OR2A5: variants seen among roughly 807,000 people sequenced by gnomAD.
OR2A5 encodes olfactory receptor family 2 subfamily A member 5.
In OR2A5, 2 loss-of-function variants were observed where a neutral mutation model predicts 1.9. That is an observed-to-expected ratio of 1.04 (90% CI 0.43 to 3.28). The LOEUF is 3.28. OR2A5 is among the 30% of genes most tolerant of loss of function. OR2A5 has a pLI of 0.08. For synonymous variants in OR2A5, 160 were observed against 154.5 expected, an observed-to-expected ratio of 1.04 and a Z score of -0.26; for missense variants, 391 against 375.9, an observed-to-expected ratio of 1.04 and a Z score of -0.33.
At position 144,055,291 on chromosome 7, in the gene OR2A5, G is replaced by T. The variant is rs1291452814; in HGVS notation, c.*3954G>T. 6.6e-6 allele frequency: 1 copy of T among 152,070 alleles called. No homozygotes were observed. The highest frequency in any genetic ancestry group is 1.5e-5 in the Non-Finnish European group (1 of 68,032). 9.4% of individuals were successfully genotyped at this position (152,070 alleles called of 1,614,324 possible). A position where few individuals can be genotyped will look rare whatever the true frequency, so the allele number is the denominator to read the frequency against. ...TGAACATTATAAGTTATGCAACAATGAGGTCTTGTGAATTATTGTGCAGCC... is the reference window on the plus strand; with the variant it reads ...TGAACATTATAAGTTATGCAACAATTAGGTCTTGTGAATTATTGTGCAGCC... On this transcript the variant is annotated 3_prime_UTR_variant, in exon 2 of 2. Coordinates refer to ENST00000641693, the MANE Select transcript of OR2A5 (RefSeq NM_012365.2).
In OR2A5 at chr7:144,051,477, G is replaced by A. The variant is rs758451576; in HGVS notation, c.*140G>A. 9.8e-6 allele frequency: 7 copies of A among 713,660 alleles called. No homozygotes were observed. The highest frequency in any genetic ancestry group is 5.4e-5 in the East Asian group (2 of 36,914). The allele number at this position is 713,660 out of a possible 1,614,324, so 44.2% of individuals were successfully genotyped here. A position where few individuals can be genotyped will look rare whatever the true frequency, so the allele number is the denominator to read the frequency against. On this transcript the variant is annotated 3_prime_UTR_variant, in exon 2 of 2. Coordinates refer to ENST00000641693, the MANE Select transcript of OR2A5 (RefSeq NM_012365.2). ...TATTGATTGGATTCTATCCCTAAAC[G>A]TGGAGTACCATGCAGATCACAAAGC...
rs1413738397 is a variant in OR2A5, at chr7:144,057,823, T to C, written c.*6486T>C. 1 of 152,224 alleles carries C rather than the reference T, an allele frequency of 6.6e-6. No individual in the cohort carries two copies. The highest frequency in any genetic ancestry group is 1.5e-5 in the Non-Finnish European group (1 of 68,038). The allele number at this position is 152,224 out of a possible 1,614,324, so 9.4% of individuals were successfully genotyped here. A position where few individuals can be genotyped will look rare whatever the true frequency, so the allele number is the denominator to read the frequency against. On this transcript the variant is annotated 3_prime_UTR_variant, in exon 2 of 2. Transcript: ENST00000641693. ...AATAATAGTAAATATAATTGTTGAA[T>C]GTAAACAAAATAGCTTTTTATATGA...
chr7:144,051,525 G>T lies in OR2A5; in HGVS notation c.*188G>T, dbSNP rs1006284422. The T allele has an allele frequency of 1.7e-6, 1 of 590,654 alleles. No individual in the cohort carries two copies. The highest frequency in any genetic ancestry group is 2.9e-6 in the Non-Finnish European group (1 of 339,114). The allele number at this position is 590,654 out of a possible 1,614,324, so 36.6% of individuals were successfully genotyped here. On this transcript the variant is annotated 3_prime_UTR_variant, in exon 2 of 2. Transcript: ENST00000641693. ...AGCACATGCAGACAGGCGCTGAGCC[G>T]TGTGGTGCAGCAGAGGTGCAAAGTG...
At position 144,057,966 on chromosome 7, in the gene OR2A5, T is replaced by A. The variant is rs1299584052; in HGVS notation, c.*6629T>A. The A allele has an allele frequency of 6.6e-6, 1 of 152,224 alleles. No homozygotes were observed. Among genetic ancestry groups the A allele is most frequent in the African/African-American group, 2.4e-5 (1 of 41,440 alleles). 9.4% of individuals were successfully genotyped at this position (152,224 alleles called of 1,614,324 possible). A position where few individuals can be genotyped will look rare whatever the true frequency, so the allele number is the denominator to read the frequency against. On this transcript the variant is annotated 3_prime_UTR_variant, in exon 2 of 2. Transcript: ENST00000641693. ...GGTGAAAATGCTGAATAATTGTAGA[T>A]TGCATTAGAAAAATTTATAATTTAG...
chr7:144,050,455 C>A lies in OR2A5; in HGVS notation c.54C>A (p.Leu18=), dbSNP rs777017326. Residue 18 remains leucine, a synonymous_variant, in exon 2 of 2, where the codon CTC becomes CTA. Transcript: ENST00000641693. ...AATTCATTCTCCTGGGATTTCCACT[C>A]AGCCTAAGGATTCAGATGCTCCTCT... ...VTEFILLGFP[L]SLRIQMLLSG... The A allele has an allele frequency of 6.4e-5, 99 of 1,553,800 alleles. No individual in the cohort carries two copies. Among genetic ancestry groups the A allele is most frequent in the Non-Finnish European group, 8.6e-5 (99 of 1,156,254 alleles).
intron 1 of OR2A5, among the ~76,000 whole-genome samples, chr7:144,049,998 G>C (rs13229266): frequency 0.66 from 99,955 of 152,114 alleles, 35,034 homozygotes; most frequent in African/African-American, 0.91. Context: ...AATATGCAAA[G>C]TAAATAAATT....
rs2050950905 is a variant in OR2A5, at chr7:144,057,679, A to G, written c.*6342A>G. On this transcript the variant is annotated 3_prime_UTR_variant, in exon 2 of 2. Coordinates refer to ENST00000641693, the MANE Select transcript of OR2A5 (RefSeq NM_012365.2). ...TGAAAATGTTTTCAAACAAAGTCTA[A>G]GGAAAATTACCTCCCTTAGGTCTTC... The G allele has an allele frequency of 6.6e-6, 1 of 152,198 alleles. No homozygotes were observed. The highest frequency in any genetic ancestry group is 1.5e-5 in the Non-Finnish European group (1 of 68,032). 9.4% of individuals were successfully genotyped at this position (152,198 alleles called of 1,614,324 possible). A position where few individuals can be genotyped will look rare whatever the true frequency, so the allele number is the denominator to read the frequency against.
Position 144,057,774 on chromosome 7 carries a change from T to C in OR2A5, c.*6437T>C, listed in dbSNP as rs2050951469. ...ACAGAATAAAAGTATATAGGGTACATGCGAAGCATACGAGTTGATAAAGAA... is the reference window on the plus strand; with the variant it reads ...ACAGAATAAAAGTATATAGGGTACACGCGAAGCATACGAGTTGATAAAGAA... On this transcript the variant is annotated 3_prime_UTR_variant, in exon 2 of 2. Coordinates refer to ENST00000641693, the MANE Select transcript of OR2A5 (RefSeq NM_012365.2). 1 of 152,178 alleles carries C rather than the reference T, an allele frequency of 6.6e-6. No homozygotes were observed. The highest frequency in any genetic ancestry group is 1.5e-5 in the Non-Finnish European group (1 of 68,030). 9.4% of individuals were successfully genotyped at this position (152,178 alleles called of 1,614,324 possible).
rs576731889 is a variant in OR2A5, at chr7:144,051,658, T to A, written c.*321T>A. On this transcript the variant is annotated 3_prime_UTR_variant, in exon 2 of 2. Coordinates refer to ENST00000641693, the MANE Select transcript of OR2A5 (RefSeq NM_012365.2). The stretch of plus-strand genomic sequence containing the variant: ...CTTAAATTCCTCTATTATTTCCATC[T>A]CTTTTTGCCATAAGTATATGCTGGT... The A allele has an allele frequency of 9.5e-5, 27 of 282,946 alleles. No homozygotes were observed. The highest frequency in any genetic ancestry group is 2.0e-4 in the Admixed American group (4 of 20,480). The allele number at this position is 282,946 out of a possible 1,614,324, so 17.5% of individuals were successfully genotyped here.
chr7:144,055,455 G>A lies in OR2A5; in HGVS notation c.*4118G>A, dbSNP rs2050932321. Reference sequence around the variant, plus strand: ...AACTTTTTCATCTTTTTAATGAGGGGCGGAGTTTAACCTGATTTTAAACAA... The same window carrying A: ...AACTTTTTCATCTTTTTAATGAGGGACGGAGTTTAACCTGATTTTAAACAA... On this transcript the variant is annotated 3_prime_UTR_variant, in exon 2 of 2. Transcript: ENST00000641693. 2 of 152,046 alleles carry A rather than the reference G, an allele frequency of 1.3e-5. No individual in the cohort carries two copies. Among genetic ancestry groups the A allele is most frequent in the Admixed American group, 1.3e-4 (2 of 15,276 alleles). The allele number at this position is 152,046 out of a possible 1,614,324, so 9.4% of individuals were successfully genotyped here.
chr7:144,052,338 A>G lies in OR2A5; in HGVS notation c.*1001A>G, dbSNP rs2128797454. The G allele has an allele frequency of 6.6e-6, 1 of 152,308 alleles. No homozygotes were observed. Among genetic ancestry groups the G allele is most frequent in the South Asian group, 2.1e-4 (1 of 4,818 alleles). 9.4% of individuals were successfully genotyped at this position (152,308 alleles called of 1,614,324 possible). A position where few individuals can be genotyped will look rare whatever the true frequency, so the allele number is the denominator to read the frequency against. ...ATGGACAGGTAATTTGTTTTATTTTAACACAAGTCTGAGTCCTAAATGATC... is the reference window on the plus strand; with the variant it reads ...ATGGACAGGTAATTTGTTTTATTTTGACACAAGTCTGAGTCCTAAATGATC... On this transcript the variant is annotated 3_prime_UTR_variant, in exon 2 of 2. Transcript: ENST00000641693.
rs963241997 is a variant in OR2A5 at position 144,052,854 on chromosome 7, T to A, written c.*1517T>A. ...TAACTATCAACCACTATGGAATTATTGTGTGCACTACTCTGAAGCTAGAAA... is the reference window on the plus strand; with the variant it reads ...TAACTATCAACCACTATGGAATTATAGTGTGCACTACTCTGAAGCTAGAAA... On this transcript the variant is annotated 3_prime_UTR_variant, in exon 2 of 2. Transcript: ENST00000641693. 1.3e-5 allele frequency: 2 copies of A among 152,218 alleles called. No homozygotes were observed. The highest frequency in any genetic ancestry group is 4.8e-5 in the African/African-American group (2 of 41,456). The allele number at this position is 152,218 out of a possible 1,614,324, so 9.4% of individuals were successfully genotyped here. A position where few individuals can be genotyped will look rare whatever the true frequency, so the allele number is the denominator to read the frequency against.
At chr7:144,050,170 C>T (rs75109348) in intron 1 of OR2A5, among the ~76,000 whole-genome samples, 181 bp from the exon 2 acceptor site, 5,846 of 152,270 alleles carry the variant, frequency 0.038, 367 homozygotes, top group African/African-American at 0.13. Context: ...ATATAGTATA[C>T]ATCACCCTGT....
Position 144,050,342 on chromosome 7 carries a change from G to T in OR2A5, c.-51-9G>T. Reference sequence around the variant, plus strand: ...AACTGACTAATCCGGATCTGCATTTGCTCCTCAGCACATAGCTCATTGCCA... The same window carrying T: ...AACTGACTAATCCGGATCTGCATTTTCTCCTCAGCACATAGCTCATTGCCA... On this transcript the variant is annotated splice_polypyrimidine_tract_variant and intron_variant, in intron 1 of 1. Coordinates refer to ENST00000641693, the MANE Select transcript of OR2A5 (RefSeq NM_012365.2). 7 of 1,099,182 alleles carry T rather than the reference G, an allele frequency of 6.4e-6. No homozygotes were observed. The highest frequency in any genetic ancestry group is 9.2e-6 in the Non-Finnish European group (7 of 758,494). The allele number at this position is 1,099,182 out of a possible 1,614,324, so 68.1% of individuals were successfully genotyped here. A position where few individuals can be genotyped will look rare whatever the true frequency, so the allele number is the denominator to read the frequency against.
At position 144,051,177 on chromosome 7, in the gene OR2A5, A is replaced by T; in HGVS notation, c.776A>T (p.Tyr259Phe). ...TTCTTTGGCAGCGCCATTGTCATGT[A>T]CATGGCCCCCAAGTCCCGCCACCCT... ...GLFFGSAIVMYMAPKSRHPEE... is the reference protein window; with the variant it reads ...GLFFGSAIVMFMAPKSRHPEE... The change falls in exon 2 of 2, where the codon TAC becomes TTC. Residue 259 changes from tyrosine to phenylalanine, a missense_variant. Physicochemically the swap from Tyr to Phe is conservative, Grantham distance 22. Transcript: ENST00000641693. The T allele has an allele frequency of 6.2e-7, 1 of 1,614,192 alleles. No homozygotes were observed. Among genetic ancestry groups the T allele is most frequent in the Non-Finnish European group, 8.5e-7 (1 of 1,180,024 alleles).
Position 144,053,409 on chromosome 7 carries a change from A to G in OR2A5, c.*2072A>G, listed in dbSNP as rs975763522. On this transcript the variant is annotated 3_prime_UTR_variant, in exon 2 of 2. Coordinates refer to ENST00000641693, the MANE Select transcript of OR2A5 (RefSeq NM_012365.2). Reference sequence around the variant, plus strand: ...TAATCAGTTTTTAAAGGTCTGGGGGAAAGTGAAAGAAACAATTGCATTGTT... The same window carrying G: ...TAATCAGTTTTTAAAGGTCTGGGGGGAAGTGAAAGAAACAATTGCATTGTT... The G allele has an allele frequency of 2.0e-5, 3 of 152,232 alleles. No homozygotes were observed. The highest frequency in any genetic ancestry group is 6.5e-5 in the Admixed American group (1 of 15,284). The allele number at this position is 152,232 out of a possible 1,614,324, so 9.4% of individuals were successfully genotyped here.
At position 144,057,513 on chromosome 7, in the gene OR2A5, T is replaced by C. The variant is rs2050949585; in HGVS notation, c.*6176T>C. 1 of 151,950 alleles carries C rather than the reference T, an allele frequency of 6.6e-6. No homozygotes were observed. The highest frequency in any genetic ancestry group is 6.6e-5 in the Admixed American group (1 of 15,256). 9.4% of individuals were successfully genotyped at this position (151,950 alleles called of 1,614,324 possible). A position where few individuals can be genotyped will look rare whatever the true frequency, so the allele number is the denominator to read the frequency against. On this transcript the variant is annotated 3_prime_UTR_variant, in exon 2 of 2. Coordinates refer to ENST00000641693, the MANE Select transcript of OR2A5 (RefSeq NM_012365.2). Reference sequence around the variant, plus strand: ...ATAAAACCTTCAGAGAATAAAAGAATAGCTACAAAAGAATAACAAATAATA... The same window carrying C: ...ATAAAACCTTCAGAGAATAAAAGAACAGCTACAAAAGAATAACAAATAATA...
chr7:144,051,394 A>T lies in OR2A5; in HGVS notation c.*57A>T. ...ATTTGCTCCCAATGAGATTTGTAGG[A>T]ACAGTGGTGTAAATGCCTTACAGTC... On this transcript the variant is annotated 3_prime_UTR_variant, in exon 2 of 2. Transcript: ENST00000641693. 5.1e-6 allele frequency: 7 copies of T among 1,364,894 alleles called. No homozygotes were observed. The highest frequency in any genetic ancestry group is 6.1e-6 in the Non-Finnish European group (6 of 988,076). 84.5% of individuals were successfully genotyped at this position (1,364,894 alleles called of 1,614,324 possible).
In OR2A5 at chr7:144,056,516, C is replaced by T. The variant is rs548999346; in HGVS notation, c.*5179C>T. 6.6e-6 allele frequency: 1 copy of T among 152,258 alleles called. No individual in the cohort carries two copies. Among genetic ancestry groups the T allele is most frequent in the African/African-American group, 2.4e-5 (1 of 41,544 alleles). 9.4% of individuals were successfully genotyped at this position (152,258 alleles called of 1,614,324 possible). On this transcript the variant is annotated 3_prime_UTR_variant, in exon 2 of 2. Coordinates refer to ENST00000641693, the MANE Select transcript of OR2A5 (RefSeq NM_012365.2). ...CAGACAGAGAGAAATGGAGAGAGAA[C>T]TGGGTTTTTAAATCTATTTTCAGAA...
Sources: gnomAD v4.1 joint callset for allele counts (sites outside exome capture counted in the v4.1 genomes callset) on GRCh38, gnomAD v4.1.1 for gene constraint, MANE v1.5 for transcripts, NCBI Gene and HGNC (gene_info 2026-07-23, HGNC 2026-07-21) for gene names.